Variants in JMJD1C observed in about 807,000 individuals in gnomAD.
The protein encoded by JMJD1C is jumonji domain-containing protein 1C.
In JMJD1C, 31 loss-of-function variants were observed where a neutral mutation model predicts 245.3. The ratio of observed to expected loss-of-function variants is 0.13; its 90% confidence interval spans 0.09 to 0.17. The LOEUF (loss-of-function observed/expected upper bound fraction) is 0.17, where lower values mean the gene tolerates loss of function less well. Ranked by LOEUF, JMJD1C falls within the 10% of genes least tolerant of loss-of-function variation. The pLI is 1.00. For synonymous variants in JMJD1C, 1,057 were observed against 1,017.4 expected, an observed-to-expected ratio of 1.04 and a Z score of -0.74; for missense variants, 2,691 against 3,000.2, an observed-to-expected ratio of 0.90 and a Z score of 2.41.
chr10:63,477,251 ATAAGT>A (rs1242624323), intron 1 of JMJD1C, among the ~76,000 whole-genome samples: 1 of 152,158 alleles, frequency 6.6e-6, no homozygotes, highest in Non-Finnish European at 1.5e-5. Flanking sequence ...CTAAACCCAA[ATAAGT>A]TAAGATGAAG....
intron 1 of JMJD1C, among the ~76,000 whole-genome samples, chr10:63,472,623 C>T (rs187396079): frequency 6.6e-6 from 1 of 152,198 alleles, no homozygotes; most frequent in Non-Finnish European, 1.5e-5. Context: ...TGAGCCACTG[C>T]GCCCCGCCCT....
chr10:63,233,438 A>T (rs1274580689), intron 3 of JMJD1C, among the ~76,000 whole-genome samples: 1 of 152,090 alleles, frequency 6.6e-6, no homozygotes, highest in African/African-American at 2.4e-5. Context: ...AACAACACCC[A>T]AAAAAACAAA....
chr10:63,265,181 C>T (rs1292675087), intron 2 of JMJD1C, among the ~76,000 whole-genome samples: 2 of 151,656 alleles, frequency 1.3e-5, no homozygotes, highest in South Asian at 4.2e-4. Context: ...TCAATGTACA[C>T]TTTTTGTCTA....
At chr10:63,258,610 C>CCG (rs1424148063) in intron 3 of JMJD1C, among the ~76,000 whole-genome samples, 1 of 152,164 alleles carries the variant, frequency 6.6e-6, no homozygotes, top group Non-Finnish European at 1.5e-5. Flanking sequence ...ACCATTACCA[C>CCG]CGCCACCACC....
At position 63,192,936 on chromosome 10, in the gene JMJD1C, A is replaced by G; in HGVS notation, c.6076+2T>C. On this transcript the variant is annotated splice_donor_variant, in intron 16 of 25. Transcript: ENST00000399262. LOFTEE classifies it high-confidence loss of function. ...CATGCCTAGATAATCAATTATGTTT[A>G]CCTTTTTTTTCCTCTCTGGCTTTTT... 6.2e-7 allele frequency: 1 copy of G among 1,606,480 alleles called. No homozygotes were observed. The highest frequency in any genetic ancestry group is 8.5e-7 in the Non-Finnish European group (1 of 1,173,158).
chr10:63,415,276 T>TTTC (rs386371606), intron 1 of JMJD1C, among the ~76,000 whole-genome samples: 21 of 236 alleles, frequency 0.089, no homozygotes, highest in Admixed American at 0.38. Flanking sequence ...TCATTATTCA[T>TTTC]TTAAAAGCTG....
In JMJD1C at chr10:63,214,262, C is replaced by A; in HGVS notation, c.1905G>T (p.Lys635Asn). The A allele has an allele frequency of 6.2e-7, 1 of 1,614,018 alleles. No individual in the cohort carries two copies. The change falls in exon 8 of 26, where the codon AAG (lysine) becomes AAT (asparagine). Residue 635 changes from lysine to asparagine, a missense_variant. Lys to Asn is a moderately conservative substitution (Grantham distance 94). Coordinates refer to ENST00000399262, the MANE Select transcript of JMJD1C (RefSeq NM_032776.3). The stretch of plus-strand genomic sequence containing the variant: ...CTTCAGGTGATGGGCTGGATTTTAT[C>A]TTGTGAGTATCTACTGAAGTATTAA... Reference protein sequence around the residue: ...SKLNTSVDTHKIKSSPSPEVV... With the variant: ...SKLNTSVDTHNIKSSPSPEVV...
At chr10:63,269,750 C>T (rs567357363) in intron 2 of JMJD1C, among the ~76,000 whole-genome samples, 3 of 152,200 alleles carry the variant, frequency 2.0e-5, no homozygotes, top group African/African-American at 4.8e-5. Context: ...CATTTTCACT[C>T]ATTACAAAAA....
chr10:63,233,722 A>G (rs1475996180), intron 3 of JMJD1C, among the ~76,000 whole-genome samples: 1 of 129,542 alleles, frequency 7.7e-6, no homozygotes, highest in Non-Finnish European at 1.5e-5. Context: ...CCATATATAC[A>G]TATTATATAT....
intron 2 of JMJD1C, among the ~76,000 whole-genome samples, chr10:63,328,862 T>C (rs957676368): frequency 5.9e-5 from 9 of 152,248 alleles, no homozygotes; most frequent in African/African-American, 1.9e-4. Flanking sequence ...CTTTTATTAG[T>C]AAGTAAATGT....
intron 1 of JMJD1C, among the ~76,000 whole-genome samples, chr10:63,387,267 C>A (rs1013083347): frequency 6.6e-6 from 1 of 152,058 alleles, no homozygotes; most frequent in South Asian, 2.1e-4. Context: ...CAAGAAGAAG[C>A]AAGAAAATGT....
intron 2 of JMJD1C, among the ~76,000 whole-genome samples, chr10:63,319,325 G>A (rs1940545288): frequency 6.8e-6 from 1 of 147,816 alleles, no homozygotes; most frequent in Admixed American, 6.7e-5. Context: ...CTGAAAAAGT[G>A]TGATGCCAAT....
rs774630284 is a variant in JMJD1C at position 63,189,353 on chromosome 10, T to C, written c.6385A>G (p.Ile2129Val). Residue 2129 changes from isoleucine (I) to valine (V), a missense_variant, in exon 18 of 26, where the codon ATA (isoleucine) becomes GTA (valine). Coordinates refer to ENST00000399262, the MANE Select transcript of JMJD1C (RefSeq NM_032776.3). The stretch of plus-strand genomic sequence containing the variant: ...TCTTTAAGCTCTGGTTTTACATTTA[T>C]CTTGGAGGTTTTACTTGGTGGAATT... ...NKIPPSKTSKINVKPELKEEP... is the reference protein window; with the variant it reads ...NKIPPSKTSKVNVKPELKEEP... 1.9e-6 allele frequency: 3 copies of C among 1,613,886 alleles called. No individual in the cohort carries two copies. Among genetic ancestry groups the C allele is most frequent in the Non-Finnish European group, 1.7e-6 (2 of 1,179,896 alleles).
At chr10:63,466,564 T>C (rs1201950713), upstream of JMJD1C, 1 of 152,250 alleles carries the variant, frequency 6.6e-6, no homozygotes, top group Non-Finnish European at 1.5e-5. Context: ...CAGATTTAAA[T>C]TCGTCACTGC....
At chr10:63,189,520 A>ATT in intron 17 of JMJD1C, 74 bp from the exon 18 acceptor site, 1 of 1,270,130 alleles carries the variant, frequency 7.9e-7, no homozygotes, top group Non-Finnish European at 1.1e-6. Context: ...CCACAGACTT[A>ATT]TTTTTTTTTA....
intron 1 of JMJD1C, among the ~76,000 whole-genome samples, chr10:63,493,225 T>C (rs1954229548): frequency 6.7e-6 from 1 of 149,258 alleles, no homozygotes; most frequent in Non-Finnish European, 1.5e-5. Flanking sequence ...TATTTTTAAG[T>C]AGATGGGAAC....
intron 2 of JMJD1C, among the ~76,000 whole-genome samples, chr10:63,319,394 G>C (rs1248564319): frequency 6.8e-6 from 1 of 147,396 alleles, no homozygotes; most frequent in African/African-American, 2.5e-5. Flanking sequence ...CAAGTCTTTA[G>C]CATTTTCTTT....
chr10:63,191,424 G>A (rs532450101), intron 16 of JMJD1C, among the ~76,000 whole-genome samples: 2 of 152,232 alleles, frequency 1.3e-5, no homozygotes, highest in African/African-American at 4.8e-5. Flanking sequence ...GTGAGCCATT[G>A]TGCGCAGCCC....
At chr10:63,477,209 T>G (rs549970899) in intron 1 of JMJD1C, among the ~76,000 whole-genome samples, 11 of 152,282 alleles carry the variant, frequency 7.2e-5, no homozygotes, top group Non-Finnish European at 1.0e-4. Flanking sequence ...AATGATGGTA[T>G]TAATTTTTTT....
Sources: allele counts gnomAD v4.1 joint callset (sites outside exome capture counted in the v4.1 genomes callset), GRCh38; gene constraint gnomAD v4.1.1; transcripts MANE v1.5; gene names NCBI Gene and HGNC (gene_info 2026-07-23, HGNC 2026-07-21).